PPP1R13B: variants seen among roughly 807,000 people sequenced by gnomAD.
PPP1R13B encodes the protein apoptosis-stimulating of p53 protein 1.
In PPP1R13B, 44 loss-of-function variants were observed where a neutral mutation model predicts 119.8. That is an observed-to-expected ratio of 0.37 (90% CI 0.29 to 0.47). The LOEUF (loss-of-function observed/expected upper bound fraction) is 0.47, where lower values mean the gene tolerates loss of function less well. Among genes scored for constraint, PPP1R13B ranks in the 20% least tolerant of loss-of-function variants. PPP1R13B has a pLI of 0.99. For synonymous variants in PPP1R13B, 542 were observed against 561.5 expected, an observed-to-expected ratio of 0.97 and a Z score of 0.49; for missense variants, 1,227 against 1,413.5, an observed-to-expected ratio of 0.87 and a Z score of 2.12.
chr14:103,818,087 C>T (rs956780616), intron 1 of PPP1R13B, among the ~76,000 whole-genome samples: 1 of 152,054 alleles, frequency 6.6e-6, no homozygotes, highest in African/African-American at 2.4e-5. Context: ...GTAAGTGTGA[C>T]ATAAAAGGAT....
chr14:103,742,368 G>A lies in PPP1R13B; in HGVS notation c.1321-77C>T. The A allele has an allele frequency of 1.4e-6, 2 of 1,475,510 alleles. No homozygotes were observed. Among genetic ancestry groups the A allele is most frequent in the Non-Finnish European group, 1.8e-6 (2 of 1,110,938 alleles). The allele number at this position is 1,475,510 out of a possible 1,614,324, so 91.4% of individuals were successfully genotyped here. On this transcript the variant is annotated intron_variant, in intron 10 of 16. Transcript: ENST00000202556. The surrounding 1 kb of genome is among the most constrained non-coding windows in gnomAD (Gnocchi z 4.9). The stretch of plus-strand genomic sequence containing the variant: ...AATATTTCCACCCACATTCCCAAGA[G>A]AATACACAGTAGAATTTGTAATCCG...
intron 16 of PPP1R13B, among the ~76,000 whole-genome samples, chr14:103,735,499 G>A (rs918347117): frequency 6.6e-6 from 1 of 152,334 alleles, no homozygotes; most frequent in Non-Finnish European, 1.5e-5. Context: ...GCTCCCTGCT[G>A]TGTTTGCCTG....
At chr14:103,794,665 T>TAA (rs557361588) in intron 2 of PPP1R13B, 56 of 395,142 alleles carry the variant, frequency 1.4e-4, no homozygotes, top group Middle Eastern at 3.8e-4. Flanking sequence ...CTCTGAAACC[T>TAA]AAAAAAAAAA....
rs1220834653 is a variant in PPP1R13B, at chr14:103,746,409, T to C, written c.1114A>G (p.Ile372Val). The change falls in exon 9 of 17, where the codon ATT becomes GTT. Residue 372 changes from isoleucine (I) to valine (V), a missense_variant. Physicochemically the swap from Ile to Val is conservative, Grantham distance 29 (BLOSUM62 3). Coordinates refer to ENST00000202556, the MANE Select transcript of PPP1R13B (RefSeq NM_015316.3). Reference sequence around the variant, plus strand: ...CTTCCATGAGCAGCATTTGAGGCAATACTGAGAGACTGGGGCTTTATAGGG... The same window carrying C: ...CTTCCATGAGCAGCATTTGAGGCAACACTGAGAGACTGGGGCTTTATAGGG... Reference protein sequence around the residue: ...GDPIKPQSLSIASNAAHGRSK... With the variant: ...GDPIKPQSLSVASNAAHGRSK... The C allele has an allele frequency of 6.2e-7, 1 of 1,611,794 alleles. No homozygotes were observed. The highest frequency in any genetic ancestry group is 1.7e-5 in the Admixed American group (1 of 59,500).
chr14:103,784,894 G>T lies in PPP1R13B; in HGVS notation c.178C>A (p.His60Asn). The change falls in exon 3 of 17, where the codon CAT (histidine) becomes AAT (asparagine). Residue 60 changes from histidine (H) to asparagine (N), a missense_variant. By Grantham distance (68) the His-to-Asn change is moderately conservative (BLOSUM62 1). Coordinates refer to ENST00000202556, the MANE Select transcript of PPP1R13B (RefSeq NM_015316.3). Reference protein sequence around the residue: ...RGNERPIPFDHMMYEHLQKWG... With the variant: ...RGNERPIPFDNMMYEHLQKWG... Reference sequence around the variant, plus strand: ...TTCTGAAGATGTTCGTACATCATATGATCAAAGGGTATGGGACGTTCTAGG... The same window carrying T: ...TTCTGAAGATGTTCGTACATCATATTATCAAAGGGTATGGGACGTTCTAGG... 6.3e-7 allele frequency: 1 copy of T among 1,599,124 alleles called. No homozygotes were observed. Among genetic ancestry groups the T allele is most frequent in the South Asian group, 1.1e-5 (1 of 90,042 alleles).
Position 103,841,977 on chromosome 14 carries a change from C to T in PPP1R13B, c.9+5322G>A, listed in dbSNP as rs1263783986. 1.3e-5 allele frequency among the ~76,000 whole-genome samples: 2 copies of T among 152,178 alleles called. 1 individual carries two copies. Among genetic ancestry groups the T allele is most frequent in the Admixed American group, 1.3e-4 (2 of 15,270 alleles). ...GACTAAGTCCAAAGGTCCTCACTAA[C>T]AAGTAGGAGCAAGAACCCTATTTCC... On this transcript the variant is annotated intron_variant, in intron 1 of 16. Transcript: ENST00000202556.
chr14:103,817,087 G>A (rs552002175), intron 1 of PPP1R13B, among the ~76,000 whole-genome samples: 7 of 152,268 alleles, frequency 4.6e-5, no homozygotes, highest in Non-Finnish European at 8.8e-5. Context: ...AAGCAAAAGC[G>A]AAGTGTGGAA....
chr14:103,829,414 T>A (rs1359626937), intron 1 of PPP1R13B, among the ~76,000 whole-genome samples: 1 of 152,184 alleles, frequency 6.6e-6, no homozygotes, highest in African/African-American at 2.4e-5. Context: ...TAATTTAATG[T>A]TTTTAAAAAA....
chr14:103,836,776 GAA>G lies in PPP1R13B; in HGVS notation c.9+10521_9+10522del, dbSNP rs11394353. ...CAGAGCAAGAGTCTGTCTCAGAAAA[GAA>G]AAAAAAAAAAAAAAAATTGTCCAAA... is the stretch of plus-strand genomic sequence containing the variant. On this transcript the variant is annotated intron_variant, in intron 1 of 16. Coordinates refer to ENST00000202556, the MANE Select transcript of PPP1R13B (RefSeq NM_015316.3). Among the ~76,000 whole-genome samples, 601 of 114,836 alleles carry G rather than the reference GAA, an allele frequency of 5.2e-3. 3 individuals carry two copies. The highest frequency in any genetic ancestry group is 0.018 in the African/African-American group (570 of 32,114). 75.3% of individuals were successfully genotyped at this position (114,836 alleles called of 152,430 possible). A position where few individuals can be genotyped will look rare whatever the true frequency, so the allele number is the denominator to read the frequency against.
chr14:103,816,704 A>T (rs2086290946), intron 1 of PPP1R13B, among the ~76,000 whole-genome samples: 1 of 151,474 alleles, frequency 6.6e-6, no homozygotes, highest in Admixed American at 6.6e-5. Flanking sequence ...CCTTTCATAT[A>T]TTTTTCCTTT....
intron 5 of PPP1R13B, among the ~76,000 whole-genome samples, chr14:103,754,682 A>C (rs978478412): frequency 6.6e-6 from 1 of 152,120 alleles, no homozygotes; most frequent in Non-Finnish European, 1.5e-5. Context: ...CACTAGAGGA[A>C]TCTTATATCA....
At chr14:103,808,142 G>A (rs2086062149) in intron 1 of PPP1R13B, among the ~76,000 whole-genome samples, 1 of 151,912 alleles carries the variant, frequency 6.6e-6, no homozygotes, top group Non-Finnish European at 1.5e-5. Context: ...CTACTCAGAG[G>A]CTGAGACAGT....
intron 2 of PPP1R13B, among the ~76,000 whole-genome samples, chr14:103,794,262 G>A: frequency 6.6e-6 from 1 of 151,958 alleles, no homozygotes; most frequent in East Asian, 1.9e-4. Context: ...TACTATTGAA[G>A]GATTCTATCT....
At chr14:103,750,891 C>T (rs1190040932) in intron 7 of PPP1R13B, among the ~76,000 whole-genome samples, 1 of 151,972 alleles carries the variant, frequency 6.6e-6, no homozygotes, top group African/African-American at 2.4e-5. Flanking sequence ...CGCAGTGGCT[C>T]ACGCCTATAA....
At chr14:103,803,839 T>C (rs2085958230) in intron 1 of PPP1R13B, among the ~76,000 whole-genome samples, 2 of 152,158 alleles carry the variant, frequency 1.3e-5, no homozygotes, top group South Asian at 4.1e-4. Flanking sequence ...TGCCCCTTTC[T>C]GCTCACTGAC....
intron 7 of PPP1R13B, among the ~76,000 whole-genome samples, chr14:103,751,590 G>A (rs2084547403): frequency 6.6e-6 from 1 of 152,164 alleles, no homozygotes; most frequent in Non-Finnish European, 1.5e-5. Context: ...AATGGTGTCT[G>A]GAGGCAGGGT....
intron 1 of PPP1R13B, 141 bp downstream of exon 1, chr14:103,847,158 G>T (rs2087066244): frequency 1.0e-6 from 1 of 985,704 alleles, no homozygotes; most frequent in Non-Finnish European, 1.2e-6. Context: ...CGCCGCGGCC[G>T]GGCGCGCCCG....
chr14:103,777,675 G>A (rs2085238994), intron 4 of PPP1R13B, among the ~76,000 whole-genome samples: 1 of 151,956 alleles, frequency 6.6e-6, no homozygotes, highest in African/African-American at 2.4e-5. Flanking sequence ...ACCACTCAGT[G>A]ACTGCTGCTT....
At chr14:103,769,110 G>A (rs1567109313) in intron 4 of PPP1R13B, among the ~76,000 whole-genome samples, 2 of 152,000 alleles carry the variant, frequency 1.3e-5, no homozygotes, top group South Asian at 4.1e-4. Flanking sequence ...TTTTGAGATG[G>A]AGTCTCGCTC....
Sources: allele counts gnomAD v4.1 joint callset (sites outside exome capture counted in the v4.1 genomes callset), GRCh38; gene constraint gnomAD v4.1.1; non-coding constraint Gnocchi (gnomAD v3.1); transcripts MANE v1.5; gene names NCBI Gene and HGNC (gene_info 2026-07-23, HGNC 2026-07-21).